VPS37A: variants seen among roughly 807,000 people sequenced by gnomAD.
VPS37A encodes VPS37A subunit of ESCRT-I, also known as vacuolar protein sorting-associated protein 37A.
Under a neutral mutation model 49.8 loss-of-function variants are expected in VPS37A, and 30 were observed. The ratio of observed to expected loss-of-function variants is 0.60; its 90% CI spans 0.45 to 0.82. The LOEUF (loss-of-function observed/expected upper bound fraction) is 0.82, where lower values mean the gene tolerates loss of function less well. VPS37A is among the 40% of genes least tolerant of loss of function. VPS37A has a pLI of 0.00. For missense variants in VPS37A, 593 were observed against 464.4 expected, an observed-to-expected ratio of 1.28 and a Z score of -2.55; for synonymous variants, 195 against 160.6, an observed-to-expected ratio of 1.21 and a Z score of -1.62.
At chr8:17,247,524 G>T (rs1247039311) in intron 1 of VPS37A, 155 bp downstream of exon 1, 3 of 1,068,340 alleles carry the variant, frequency 2.8e-6, no homozygotes, top group Non-Finnish European at 4.1e-6. Flanking sequence ...TGCCACTCCT[G>T]CCCCCTTTTA....
intron 4 of VPS37A, among the ~76,000 whole-genome samples, chr8:17,270,488 G>C (rs1813873090): frequency 6.6e-6 from 1 of 152,144 alleles, no homozygotes; most frequent in South Asian, 2.1e-4. Context: ...TGAGATCTGA[G>C]GGTCAGGATC....
At chr8:17,265,665 C>A (rs572239234) in intron 1 of VPS37A, 2 of 1,016,956 alleles carry the variant, frequency 2.0e-6, no homozygotes, top group African/African-American at 1.6e-5. Context: ...AGAGTTTTTT[C>A]TTGCCTCTTT....
chr8:17,274,848 A>C lies in VPS37A; in HGVS notation c.532A>C (p.Thr178Pro), dbSNP rs1814361607. 2.5e-6 allele frequency: 4 copies of C among 1,614,090 alleles called. No homozygotes were observed. The highest frequency in any genetic ancestry group is 3.4e-6 in the Non-Finnish European group (4 of 1,179,990). The change falls in exon 5 of 12, where the codon ACT (threonine) becomes CCT (proline). Residue 178 changes from threonine (T) to proline (P), a missense_variant. Physicochemically the swap from Thr to Pro is conservative, Grantham distance 38. Transcript: ENST00000324849. ...TATCACTTCTTTATCTGTTGCTGAC[A>C]CTGTTTCTTCTTCAACAACAAGTCA... ...RSITSLSVAD[T>P]VSSSTTSHTT...
At chr8:17,312,818 T>A in the VPS37A span, among the ~76,000 whole-genome samples, 20 of 152,132 alleles carry the variant, frequency 1.3e-4, no homozygotes, top group Non-Finnish European at 4.4e-5. Flanking sequence ...TAAAAAAAAC[T>A]GAACAACACA....
the VPS37A span, among the ~76,000 whole-genome samples, chr8:17,317,343 T>C: frequency 6.6e-6 from 1 of 152,206 alleles, no homozygotes; most frequent in Non-Finnish European, 1.5e-5. Flanking sequence ...TTGTCTTCGA[T>C]GTTTGTAGGC....
intron 3 of VPS37A, among the ~76,000 whole-genome samples, 181 bp downstream of exon 3, chr8:17,268,553 GATT>G (rs1189947411): frequency 6.6e-6 from 1 of 152,102 alleles, no homozygotes. Context: ...GATTGTGAAA[GATT>G]ATAACTTCCA....
chr8:17,317,713 T>C, the VPS37A span, among the ~76,000 whole-genome samples: 6 of 152,224 alleles, frequency 3.9e-5, no homozygotes, highest in African/African-American at 1.4e-4. Flanking sequence ...AGATACCTGA[T>C]GGCTCGAATT....
At chr8:17,323,040 C>T in the VPS37A span, among the ~76,000 whole-genome samples, 1 of 149,550 alleles carries the variant, frequency 6.7e-6, no homozygotes, top group Non-Finnish European at 1.5e-5. Context: ...CTCCACCTCC[C>T]GGATTCAAGC....
At chr8:17,290,751 T>G (rs998169093) in intron 11 of VPS37A, among the ~76,000 whole-genome samples, 1 of 152,198 alleles carries the variant, frequency 6.6e-6, no homozygotes, top group Non-Finnish European at 1.5e-5. Context: ...TTAGAAGGAA[T>G]GGTACCAGCT....
the VPS37A span, chr8:17,326,299 A>T: frequency 6.6e-6 from 1 of 152,226 alleles, no homozygotes; most frequent in Admixed American, 6.5e-5. Context: ...CCGTAAAATG[A>T]AGATAAGAGT....
chr8:17,326,844 A>T, the VPS37A span, among the ~76,000 whole-genome samples: 1 of 152,242 alleles, frequency 6.6e-6, no homozygotes, highest in Non-Finnish European at 1.5e-5. Context: ...CTTGAGAAAC[A>T]TCCAGACTCC....
chr8:17,272,474 A>T (rs1814084640), intron 4 of VPS37A, among the ~76,000 whole-genome samples: 1 of 152,210 alleles, frequency 6.6e-6, no homozygotes, highest in African/African-American at 2.4e-5. Context: ...GAAAATACAA[A>T]CCGACAAGTT....
chr8:17,265,561 T>G (rs998175806), intron 1 of VPS37A, among the ~76,000 whole-genome samples: 2 of 152,226 alleles, frequency 1.3e-5, no homozygotes, highest in Non-Finnish European at 2.9e-5. Context: ...AAAACCCAGA[T>G]GGATTGCTCA....
intron 9 of VPS37A, among the ~76,000 whole-genome samples, 183 bp from the exon 10 acceptor site, chr8:17,284,290 G>A (rs183717685): frequency 6.6e-6 from 1 of 152,254 alleles, no homozygotes; most frequent in Admixed American, 6.5e-5. Context: ...TGAGTTAGGT[G>A]TCTACCCCTA....
chr8:17,281,292 C>G (rs1034650353), intron 9 of VPS37A, among the ~76,000 whole-genome samples: 2 of 151,882 alleles, frequency 1.3e-5, no homozygotes, highest in Non-Finnish European at 2.9e-5. Flanking sequence ...AACTGAGGCA[C>G]AGGGAGATTA....
At chr8:17,313,435 A>T in the VPS37A span, 2 of 1,355,926 alleles carry the variant, frequency 1.5e-6, no homozygotes, top group Non-Finnish European at 2.1e-6. Context: ...AAGCAAAATT[A>T]AGGTACTCTC....
At chr8:17,259,167 GTTGT>G (rs1812753215) in intron 1 of VPS37A, among the ~76,000 whole-genome samples, 1 of 151,814 alleles carries the variant, frequency 6.6e-6, no homozygotes, top group African/African-American at 2.4e-5. Flanking sequence ...GCATAATTGG[GTTGT>G]TTATTTGAAG....
At chr8:17,313,396 C>G in the VPS37A span, 13 of 1,605,932 alleles carry the variant, frequency 8.1e-6, no homozygotes, top group African/African-American at 1.6e-4. Flanking sequence ...GATTTAAGTT[C>G]ACACACTGCA....
chr8:17,266,218 C>T (rs1813436358), intron 2 of VPS37A, among the ~76,000 whole-genome samples: 3 of 152,008 alleles, frequency 2.0e-5, no homozygotes, highest in African/African-American at 7.2e-5. Flanking sequence ...ATTCTGAGTA[C>T]TGTAATTGTT....
Sources: allele counts gnomAD v4.1 joint callset (sites outside exome capture counted in the v4.1 genomes callset), GRCh38; gene constraint gnomAD v4.1.1; transcripts MANE v1.5; gene names NCBI Gene and HGNC (gene_info 2026-07-23, HGNC 2026-07-21).